Variants in WWP2 observed in about 807,000 individuals in gnomAD.
The protein encoded by WWP2 is NEDD4-like E3 ubiquitin-protein ligase WWP2.
WWP2 carries 57 observed loss-of-function variants against 121.0 expected under a neutral mutation model. That is an observed-to-expected ratio of 0.47 (90% CI 0.38 to 0.59). The LOEUF (loss-of-function observed/expected upper bound fraction) is 0.59. Ranked by LOEUF, WWP2 falls within the 20% of genes least tolerant of loss-of-function variation. The pLI is 0.00. For synonymous variants in WWP2, 449 were observed against 441.3 expected, an observed-to-expected ratio of 1.02 and a Z score of -0.22; for missense variants, 962 against 1,158.9, an observed-to-expected ratio of 0.83 and a Z score of 2.47.
At chr16:69,815,741 C>T (rs185542598) in intron 4 of WWP2, among the ~76,000 whole-genome samples, 6 of 150,146 alleles carry the variant, frequency 4.0e-5, no homozygotes, top group Admixed American at 1.3e-4. Flanking sequence ...GAGCCGAGAT[C>T]GCCCCATTGC....
chr16:69,808,355 G>T (rs2151827273), intron 4 of WWP2, among the ~76,000 whole-genome samples: 1 of 151,758 alleles, frequency 6.6e-6, no homozygotes, highest in South Asian at 2.1e-4. Context: ...CTCCAAAAAT[G>T]CTGGGATTAC....
intron 8 of WWP2, among the ~76,000 whole-genome samples, chr16:69,900,801 G>A (rs1030810656): frequency 6.6e-6 from 1 of 152,156 alleles, no homozygotes; most frequent in Admixed American, 6.6e-5. Flanking sequence ...TGGAATTACA[G>A]GCGTGAGTCA....
intron 8 of WWP2, among the ~76,000 whole-genome samples, chr16:69,903,461 A>G (rs994213112): frequency 6.6e-6 from 1 of 152,208 alleles, no homozygotes; most frequent in Non-Finnish European, 1.5e-5. Context: ...TGAAAGTTGA[A>G]AGAATTTTTG....
At chr16:69,887,119 G>A (rs781514045) in intron 7 of WWP2, among the ~76,000 whole-genome samples, 6 of 152,158 alleles carry the variant, frequency 3.9e-5, no homozygotes, top group Non-Finnish European at 5.9e-5. Context: ...TCATCAAAGA[G>A]GTGAAGAGAT....
intron 1 of WWP2, among the ~76,000 whole-genome samples, chr16:69,782,058 G>A (rs1451760574): frequency 6.6e-6 from 1 of 152,120 alleles, no homozygotes; most frequent in Non-Finnish European, 1.5e-5. Flanking sequence ...TGAGACGGGC[G>A]GATCACCTGA....
intron 7 of WWP2, among the ~76,000 whole-genome samples, chr16:69,875,345 C>G (rs780854302): frequency 1.3e-5 from 2 of 152,326 alleles, no homozygotes; most frequent in East Asian, 3.9e-4. Flanking sequence ...TGGAAGGTCT[C>G]TCCTCGATGT....
chr16:69,885,374 C>G (rs1349512116), intron 7 of WWP2, among the ~76,000 whole-genome samples: 1 of 152,096 alleles, frequency 6.6e-6, no homozygotes, highest in Non-Finnish European at 1.5e-5. Context: ...ACATTAATTG[C>G]ACAAGATTTA....
intron 6 of WWP2, among the ~76,000 whole-genome samples, chr16:69,851,253 A>G (rs908372782): frequency 1.3e-5 from 2 of 151,732 alleles, no homozygotes; most frequent in Non-Finnish European, 2.9e-5. Flanking sequence ...CCTGGACTCA[A>G]GTGATCCACG....
intron 2 of WWP2, among the ~76,000 whole-genome samples, chr16:69,793,082 G>A (rs907410920): frequency 4.6e-5 from 7 of 152,146 alleles, no homozygotes; most frequent in African/African-American, 1.4e-4. Context: ...ACTGCTGGGC[G>A]CGGTGGCTCA....
At chr16:69,836,082 C>T (rs1050315376) in intron 4 of WWP2, among the ~76,000 whole-genome samples, 1 of 152,110 alleles carries the variant, frequency 6.6e-6, no homozygotes. Context: ...GGATTACAGA[C>T]GTGAGCCACC....
intron 10 of WWP2, among the ~76,000 whole-genome samples, chr16:69,924,438 A>G (rs2058608462): frequency 1.3e-5 from 2 of 152,222 alleles, no homozygotes; most frequent in Admixed American, 6.5e-5. Flanking sequence ...TCAGAAAGAA[A>G]AAAAAGAAAG....
chr16:69,871,238 C>T (rs553499492), intron 6 of WWP2, among the ~76,000 whole-genome samples: 21 of 152,256 alleles, frequency 1.4e-4, no homozygotes, highest in African/African-American at 4.8e-4. Flanking sequence ...GAGCTATGAT[C>T]GTGCCACTCC....
At chr16:69,886,097 A>G (rs1442979966) in intron 7 of WWP2, among the ~76,000 whole-genome samples, 1 of 152,102 alleles carries the variant, frequency 6.6e-6, no homozygotes, top group Non-Finnish European at 1.5e-5. Flanking sequence ...TGGTTGGTTG[A>G]TTGATTGATG....
intron 2 of WWP2, among the ~76,000 whole-genome samples, chr16:69,791,805 C>T (rs1256817444): frequency 6.6e-6 from 1 of 151,852 alleles, no homozygotes; most frequent in Non-Finnish European, 1.5e-5. Flanking sequence ...CAGGTGTGAG[C>T]CACCGTGCCT....
At chr16:69,859,990 G>A (rs1380190328) in intron 6 of WWP2, among the ~76,000 whole-genome samples, 1 of 151,784 alleles carries the variant, frequency 6.6e-6, no homozygotes, top group African/African-American at 2.4e-5. Flanking sequence ...CATTGGAGGG[G>A]GGCTAGAGTG....
intron 10 of WWP2, among the ~76,000 whole-genome samples, chr16:69,921,733 A>C (rs1047939962): frequency 6.6e-6 from 1 of 152,172 alleles, no homozygotes. Context: ...TGACGGGACT[A>C]TCACACGGCC....
chr16:69,828,153 G>C (rs2056735803), intron 4 of WWP2: 1 of 335,486 alleles, frequency 3.0e-6, no homozygotes, highest in African/African-American at 2.2e-5. Flanking sequence ...AGAGAAATAA[G>C]GGTGGTCCTG....
chr16:69,875,149 AG>A (rs2057713765), intron 7 of WWP2, among the ~76,000 whole-genome samples: 1 of 152,248 alleles, frequency 6.6e-6, no homozygotes, highest in African/African-American at 2.4e-5. Flanking sequence ...ATCACAAAAA[AG>A]CAAGTCACAT....
chr16:69,904,092 C>T (rs2151955675), intron 8 of WWP2, among the ~76,000 whole-genome samples: 1 of 152,322 alleles, frequency 6.6e-6, no homozygotes, highest in South Asian at 2.1e-4. Context: ...TTTTTTAATA[C>T]TTATCCTTAA....
Sources: gnomAD v4.1 joint callset for allele counts (sites outside exome capture counted in the v4.1 genomes callset) on GRCh38, gnomAD v4.1.1 for gene constraint, MANE v1.5 for transcripts, NCBI Gene and HGNC (gene_info 2026-07-23, HGNC 2026-07-21) for gene names.